Variants in SNX29 observed in about 807,000 individuals in gnomAD.
SNX29 encodes sorting nexin-29.
In SNX29, 78 loss-of-function variants were observed where a neutral mutation model predicts 102.1. That is an observed-to-expected ratio of 0.76 (90% CI 0.64 to 0.92). SNX29 has a LOEUF of 0.92. Ranked by LOEUF, SNX29 falls within the 40% of genes least tolerant of loss-of-function variation. The probability of loss-of-function intolerance (pLI) is 0.00; values close to 1 mark genes in which losing one functional copy is unlikely to be tolerated. For missense variants in SNX29, 1,280 were observed against 1,061.7 expected (o/e 1.21, Z -2.86); for synonymous variants, 580 against 414.5 (o/e 1.40, Z -4.85).
intron 20 of SNX29, among the ~76,000 whole-genome samples, chr16:12,562,775 C>CT (rs1202941381): frequency 6.6e-6 from 1 of 152,148 alleles, no homozygotes; most frequent in African/African-American, 2.4e-5. Context: ...GCTTGGAGTC[C>CT]TTTAGCCATC....
intron 15 of SNX29, among the ~76,000 whole-genome samples, chr16:12,323,687 T>A (rs2081032137): frequency 6.6e-6 from 1 of 152,118 alleles, no homozygotes; most frequent in South Asian, 2.1e-4. Flanking sequence ...GTTCCATGCT[T>A]GGGGAGACAC....
intron 20 of SNX29, among the ~76,000 whole-genome samples, chr16:12,567,365 T>A (rs1382865904): frequency 3.3e-5 from 5 of 152,196 alleles, no homozygotes; most frequent in Non-Finnish European, 7.3e-5. Context: ...TTGCCTTGTT[T>A]TAAAACATTT....
At chr16:11,987,863 G>A (rs2055692726) in intron 1 of SNX29, among the ~76,000 whole-genome samples, 2 of 152,106 alleles carry the variant, frequency 1.3e-5, no homozygotes, top group Admixed American at 1.3e-4. Flanking sequence ...GTGTGAAAAG[G>A]GATTTTGATT....
chr16:12,195,308 G>A (rs972883644), intron 13 of SNX29, among the ~76,000 whole-genome samples: 1 of 152,204 alleles, frequency 6.6e-6, no homozygotes, highest in Admixed American at 6.5e-5. Flanking sequence ...TTAATTTGCA[G>A]CCAGCTTCTT....
intron 13 of SNX29, among the ~76,000 whole-genome samples, chr16:12,140,514 C>T (rs1229414321): frequency 1.3e-5 from 2 of 152,226 alleles, no homozygotes; most frequent in African/African-American, 4.8e-5. Context: ...CAGGATGTTC[C>T]TCCCATCAGA....
intron 15 of SNX29, among the ~76,000 whole-genome samples, chr16:12,342,139 C>T (rs2081627177): frequency 6.6e-6 from 1 of 152,166 alleles, no homozygotes; most frequent in Admixed American, 6.5e-5. Context: ...GTGGCCTAGG[C>T]AGGGAAGCAT....
At position 12,119,010 on chromosome 16, in the gene SNX29, C is replaced by T. The variant is rs143168616; in HGVS notation, c.1403-7623C>T. On this transcript the variant is annotated intron_variant, in intron 11 of 20. Coordinates refer to ENST00000566228, the MANE Select transcript of SNX29 (RefSeq NM_032167.5). Reference sequence around the variant, plus strand: ...TGACATTTCCAAGCTGCTTGGTGCTCAGAACTCATACTTTAGGACATGAGG... The same window carrying T: ...TGACATTTCCAAGCTGCTTGGTGCTTAGAACTCATACTTTAGGACATGAGG... 6.9e-4 allele frequency among the ~76,000 whole-genome samples: 105 copies of T among 152,288 alleles called. 1 individual carries two copies. Among genetic ancestry groups the T allele is most frequent in the Non-Finnish European group, 1.3e-3 (87 of 68,026 alleles).
At chr16:12,005,470 C>A (rs191799594) in intron 3 of SNX29, among the ~76,000 whole-genome samples, 157 of 152,234 alleles carry the variant, frequency 1.0e-3, no homozygotes, top group Non-Finnish European at 1.6e-3. Flanking sequence ...CCAAAGCTTC[C>A]AGTGCAATCA....
At chr16:12,512,674 T>C (rs1412979180) in intron 19 of SNX29, among the ~76,000 whole-genome samples, 1 of 151,940 alleles carries the variant, frequency 6.6e-6, no homozygotes, top group Admixed American at 6.6e-5. Flanking sequence ...CATGGGTGCC[T>C]GATGGAGGCT....
At chr16:12,290,183 C>T (rs1325994011) in intron 15 of SNX29, among the ~76,000 whole-genome samples, 1 of 152,144 alleles carries the variant, frequency 6.6e-6, no homozygotes, top group African/African-American at 2.4e-5. Flanking sequence ...AACATGTTCA[C>T]ATGTTAAAGT....
intron 19 of SNX29, among the ~76,000 whole-genome samples, chr16:12,514,938 A>G (rs1261938445): frequency 5.6e-5 from 8 of 144,092 alleles, no homozygotes; most frequent in South Asian, 2.4e-4. Context: ...GAAAGAAAGA[A>G]AGAGAGAAAG....
At chr16:11,978,222 A>C (rs1489238474) in intron 1 of SNX29, among the ~76,000 whole-genome samples, 2 of 151,340 alleles carry the variant, frequency 1.3e-5, no homozygotes, top group Non-Finnish European at 2.9e-5. Flanking sequence ...AAATGATTTT[A>C]AGCCTAAGTA....
chr16:12,157,649 C>A (rs566738187), intron 13 of SNX29, among the ~76,000 whole-genome samples: 1 of 152,146 alleles, frequency 6.6e-6, no homozygotes, highest in Non-Finnish European at 1.5e-5. Flanking sequence ...GATGAAAAAG[C>A]AGAGACTGGA....
chr16:11,990,347 G>A (rs2055801462), intron 1 of SNX29, among the ~76,000 whole-genome samples: 1 of 152,180 alleles, frequency 6.6e-6, no homozygotes, highest in Non-Finnish European at 1.5e-5. Flanking sequence ...GAGCTGGCTA[G>A]CAGCTGCCAT....
At chr16:12,550,984 GT>G in intron 20 of SNX29, among the ~76,000 whole-genome samples, 1 of 152,310 alleles carries the variant, frequency 6.6e-6, no homozygotes, top group South Asian at 2.1e-4. Flanking sequence ...ACAAAAAGCT[GT>G]TTCTCAATCT....
At chr16:11,983,327 A>C (rs764852269) in intron 1 of SNX29, among the ~76,000 whole-genome samples, 1 of 149,832 alleles carries the variant, frequency 6.7e-6, no homozygotes, top group African/African-American at 2.5e-5. Context: ...TCCTGTCTCA[A>C]CCTTCCAAAG....
At chr16:12,018,449 G>C (rs1369060308) in intron 3 of SNX29, among the ~76,000 whole-genome samples, 1 of 151,288 alleles carries the variant, frequency 6.6e-6, no homozygotes, top group Non-Finnish European at 1.5e-5. Flanking sequence ...CGGGCGTGGT[G>C]GTGGGCACCT....
intron 10 of SNX29, among the ~76,000 whole-genome samples, chr16:12,077,276 C>T (rs975483469): frequency 5.1e-5 from 7 of 137,728 alleles, no homozygotes; most frequent in Non-Finnish European, 1.1e-4. Context: ...GAGAACCTGT[C>T]TTAAAAAAAA....
At chr16:11,988,430 C>A (rs1405881442) in intron 1 of SNX29, among the ~76,000 whole-genome samples, 1 of 152,138 alleles carries the variant, frequency 6.6e-6, no homozygotes, top group African/African-American at 2.4e-5. Flanking sequence ...TAGGATTTTG[C>A]TGTGTCACTC....
Sources: gnomAD v4.1 joint callset for allele counts (sites outside exome capture counted in the v4.1 genomes callset) on GRCh38, gnomAD v4.1.1 for gene constraint, MANE v1.5 for transcripts, NCBI Gene and HGNC (gene_info 2026-07-23, HGNC 2026-07-21) for gene names.